TENM2: variants seen among roughly 807,000 people sequenced by gnomAD.
TENM2 encodes the protein teneurin-2.
In TENM2, 52 loss-of-function variants were observed where a neutral mutation model predicts 245.2. That is an observed-to-expected ratio of 0.21 (90% CI 0.17 to 0.27). The LOEUF is 0.27. Among genes scored for constraint, TENM2 ranks in the 10% least tolerant of loss-of-function variants. The probability of loss-of-function intolerance (pLI) is 1.00; values close to 1 mark genes in which losing one functional copy is unlikely to be tolerated. For synonymous variants in TENM2, 1,363 were observed against 1,438.9 expected (o/e 0.95, Z 1.19); for missense variants, 3,046 against 3,666.8 (o/e 0.83, Z 4.37).
intron 5 of TENM2, among the ~76,000 whole-genome samples, chr5:167,994,813 T>C (rs1783931888): frequency 6.6e-6 from 1 of 152,078 alleles, no homozygotes; most frequent in Non-Finnish European, 1.5e-5. Flanking sequence ...ACTTACCTCT[T>C]GATGAAGGAT....
At chr5:168,007,349 G>A (rs953258500) in intron 5 of TENM2, among the ~76,000 whole-genome samples, 5 of 152,054 alleles carry the variant, frequency 3.3e-5, no homozygotes, top group African/African-American at 7.2e-5. Context: ...GGCTCGTCTC[G>A]GACTCCTGAC....
At chr5:167,758,698 T>A (rs1368393064) in intron 2 of TENM2, among the ~76,000 whole-genome samples, 1 of 152,140 alleles carries the variant, frequency 6.6e-6, no homozygotes, top group African/African-American at 2.4e-5. Flanking sequence ...GAAACATTTA[T>A]TAGGACTCTG....
intron 2 of TENM2, among the ~76,000 whole-genome samples, chr5:167,865,911 A>G (rs902974118): frequency 3.9e-5 from 6 of 152,238 alleles, no homozygotes; most frequent in South Asian, 2.1e-4. Flanking sequence ...ATATACATCC[A>G]TACATGTTGG....
At chr5:167,476,056 A>G (rs1490378681) in intron 2 of TENM2, among the ~76,000 whole-genome samples, 1 of 152,230 alleles carries the variant, frequency 6.6e-6, no homozygotes, top group African/African-American at 2.4e-5. Context: ...AAATATCTTT[A>G]ATGTCTGACT....
chr5:167,182,128 G>GTA, the TENM2 span, among the ~76,000 whole-genome samples: 66 of 152,202 alleles, frequency 4.3e-4, 1 homozygote, highest in East Asian at 0.011. Context: ...AACATTTCAG[G>GTA]TAAACATTAT....
intron 3 of TENM2, among the ~76,000 whole-genome samples, chr5:167,933,979 GAC>G (rs1778494826): frequency 6.6e-6 from 1 of 152,146 alleles, no homozygotes; most frequent in Admixed American, 6.6e-5. Context: ...AAATGAATTT[GAC>G]ACACACAGTG....
At chr5:167,066,678 A>C in the TENM2 span, among the ~76,000 whole-genome samples, 6 of 152,090 alleles carry the variant, frequency 3.9e-5, no homozygotes, top group African/African-American at 1.2e-4. Context: ...AGAATGTTTC[A>C]ATGCAAATCA....
intron 3 of TENM2, among the ~76,000 whole-genome samples, chr5:167,880,408 A>G (rs2151407142): frequency 6.6e-6 from 1 of 152,340 alleles, no homozygotes; most frequent in Non-Finnish European, 1.5e-5. Context: ...TTAAGGGAGA[A>G]AGTATACATA....
chr5:167,080,905 G>T, the TENM2 span, among the ~76,000 whole-genome samples: 1 of 152,048 alleles, frequency 6.6e-6, no homozygotes, highest in Non-Finnish European at 1.5e-5. Context: ...GGACATACCA[G>T]AAAATGTTAA....
chr5:167,260,550 T>C, the TENM2 span, among the ~76,000 whole-genome samples: 3 of 152,218 alleles, frequency 2.0e-5, no homozygotes, highest in African/African-American at 7.2e-5. Flanking sequence ...CTAAATTGAA[T>C]CTAATAGTAT....
chr5:167,089,843 A>G, the TENM2 span, among the ~76,000 whole-genome samples: 1 of 152,108 alleles, frequency 6.6e-6, no homozygotes, highest in Non-Finnish European at 1.5e-5. Flanking sequence ...GAGTCTAGAG[A>G]TCTGGACAAA....
chr5:167,083,224 G>A, the TENM2 span, among the ~76,000 whole-genome samples: 2 of 152,142 alleles, frequency 1.3e-5, no homozygotes, highest in African/African-American at 4.8e-5. Flanking sequence ...CTCAGACGAG[G>A]GTTATGTGTG....
intron 2 of TENM2, among the ~76,000 whole-genome samples, chr5:167,722,037 C>G (rs887378798): frequency 2.0e-5 from 3 of 152,212 alleles, no homozygotes; most frequent in South Asian, 2.1e-4. Flanking sequence ...TGAGTAGGCT[C>G]TGTCCCAGGG....
intron 3 of TENM2, among the ~76,000 whole-genome samples, chr5:167,897,609 C>T (rs1271924277): frequency 2.6e-5 from 4 of 152,156 alleles, no homozygotes; most frequent in African/African-American, 9.7e-5. Flanking sequence ...GTCACAATTA[C>T]CTTTAAAATC....
At chr5:167,492,910 T>A (rs1026059186) in intron 2 of TENM2, among the ~76,000 whole-genome samples, 2 of 152,116 alleles carry the variant, frequency 1.3e-5, no homozygotes, top group African/African-American at 4.8e-5. Context: ...GGTATACTGC[T>A]GGACAAAATC....
chr5:167,021,554 A>G, the TENM2 span, among the ~76,000 whole-genome samples: 1 of 152,190 alleles, frequency 6.6e-6, no homozygotes, highest in Admixed American at 6.5e-5. Context: ...TTGGAAGAGT[A>G]TTGTTTTTAT....
At chr5:167,256,002 G>C in the TENM2 span, among the ~76,000 whole-genome samples, 1 of 152,046 alleles carries the variant, frequency 6.6e-6, no homozygotes, top group Admixed American at 6.6e-5. Flanking sequence ...AAAATGTCTT[G>C]GGAAGCTTGA....
chr5:167,741,771 T>G (rs1761191716), intron 2 of TENM2, among the ~76,000 whole-genome samples: 1 of 152,188 alleles, frequency 6.6e-6, no homozygotes, highest in African/African-American at 2.4e-5. Flanking sequence ...TCACTGACGC[T>G]TCACCATCTT....
rs563462540 is a variant in TENM2, at chr5:167,805,675, G to A, written c.503-70311G>A. Among the ~76,000 whole-genome samples, 82 of 151,936 alleles carry A rather than the reference G, an allele frequency of 5.4e-4. 2 individuals are homozygous for A. The South Asian group carries it at 0.013, about 25-fold the overall frequency. ...AACCTATGTTTTATTTTTTCTTTTCGCTTAGCTCTGAGCAAATGGCTATGA... is the reference window on the plus strand; with the variant it reads ...AACCTATGTTTTATTTTTTCTTTTCACTTAGCTCTGAGCAAATGGCTATGA... On this transcript the variant is annotated intron_variant, in intron 2 of 28. Transcript: ENST00000518659.
Sources: allele counts gnomAD v4.1 joint callset (sites outside exome capture counted in the v4.1 genomes callset), GRCh38; gene constraint gnomAD v4.1.1; transcripts MANE v1.5; gene names NCBI Gene and HGNC (gene_info 2026-07-23, HGNC 2026-07-21).